Variants in LUC7L3 observed in about 807,000 individuals in gnomAD.
The protein encoded by LUC7L3 is LUC7 like 3 pre-mRNA splicing factor, also known as luc7-like protein 3.
LUC7L3 carries 6 observed loss-of-function variants against 66.8 expected under a neutral mutation model. The ratio of observed to expected loss-of-function variants is 0.09; its 90% CI spans 0.05 to 0.18. The LOEUF (loss-of-function observed/expected upper bound fraction) is 0.18. Ranked by LOEUF, LUC7L3 falls within the 10% of genes least tolerant of loss-of-function variation. LUC7L3 has a pLI of 1.00. For synonymous variants in LUC7L3, 160 were observed against 174.7 expected (o/e 0.92, Z 0.66); for missense variants, 341 against 531.1 (o/e 0.64, Z 3.52).
intron 2 of LUC7L3, among the ~76,000 whole-genome samples, chr17:50,738,802 T>C (rs907922596): frequency 3.3e-5 from 5 of 152,164 alleles, no homozygotes; most frequent in Non-Finnish European, 5.9e-5. Flanking sequence ...CTAAAGGACA[T>C]TCATCTTTAG....
intron 1 of LUC7L3, among the ~76,000 whole-genome samples, chr17:50,721,537 G>C (rs1354630084): frequency 6.6e-6 from 1 of 152,208 alleles, no homozygotes; most frequent in African/African-American, 2.4e-5. Flanking sequence ...CTTAATGACA[G>C]ATTGCACTTC....
At chr17:50,726,170 G>A (rs1969170189) in intron 1 of LUC7L3, among the ~76,000 whole-genome samples, 1 of 151,798 alleles carries the variant, frequency 6.6e-6, no homozygotes, top group South Asian at 2.1e-4. Context: ...TTGTTGTTTT[G>A]CTTTTTGTTG....
chr17:50,741,392 A>G (rs981245683), intron 4 of LUC7L3, 146 bp downstream of exon 4: 4 of 822,866 alleles, frequency 4.9e-6, no homozygotes, highest in Admixed American at 6.5e-5. Flanking sequence ...TTTTTTTTCC[A>G]GTCTTTATTA....
intron 1 of LUC7L3, among the ~76,000 whole-genome samples, chr17:50,728,035 G>A (rs1439096071): frequency 3.3e-5 from 5 of 151,642 alleles, no homozygotes; most frequent in East Asian, 1.9e-4. Context: ...GGAGAATGGC[G>A]TGAACCCGGG....
intron 9 of LUC7L3, chr17:50,749,493 C>T: frequency 1.6e-6 from 1 of 635,298 alleles, no homozygotes; most frequent in Non-Finnish European, 2.2e-6. Flanking sequence ...ATCTTCAGTT[C>T]TCTGAGTGGG....
chr17:50,740,259 T>A (rs777717640), intron 2 of LUC7L3, 47 bp from the exon 3 acceptor site: 7 of 1,369,722 alleles, frequency 5.1e-6, no homozygotes, highest in Admixed American at 2.1e-5. Context: ...CAAGAAAAGG[T>A]TGCTAATAAT....
chr17:50,743,492 C>A (rs1370032412), intron 5 of LUC7L3, among the ~76,000 whole-genome samples: 1 of 152,112 alleles, frequency 6.6e-6, no homozygotes, highest in Admixed American at 6.5e-5. Flanking sequence ...AGGCATGAGC[C>A]ATCGCGTCTG....
intron 6 of LUC7L3, among the ~76,000 whole-genome samples, chr17:50,744,320 A>G (rs748963617): frequency 1.3e-5 from 2 of 152,234 alleles, no homozygotes; most frequent in South Asian, 2.1e-4. Flanking sequence ...AGTTTTGTAT[A>G]TGGACATTAT....
intron 9 of LUC7L3, 129 bp downstream of exon 9, chr17:50,746,831 A>G (rs1362419164): frequency 1.2e-5 from 8 of 665,712 alleles, no homozygotes; most frequent in African/African-American, 1.9e-5. Flanking sequence ...AATGCCATTC[A>G]GTAGGAGACA....
intron 1 of LUC7L3, among the ~76,000 whole-genome samples, chr17:50,733,389 G>A (rs974765668): frequency 7.0e-5 from 10 of 143,122 alleles, no homozygotes; most frequent in Non-Finnish European, 1.2e-4. Flanking sequence ...CTGCCACCAC[G>A]CCTGGCTAGT....
chr17:50,744,861 G>T (rs1412415678), intron 7 of LUC7L3, 48 bp downstream of exon 7: 1 of 1,522,922 alleles, frequency 6.6e-7, no homozygotes, highest in Non-Finnish European at 9.0e-7. Context: ...CTGTCACCTA[G>T]AGTGCAGTGA....
intron 9 of LUC7L3, 52 bp from the exon 10 acceptor site, chr17:50,750,449 C>G (rs1266936633): frequency 2.0e-6 from 3 of 1,523,324 alleles, no homozygotes; most frequent in East Asian, 4.5e-5. Context: ...AAAATCATGT[C>G]TTTATTGTAT....
At chr17:50,742,898 A>C (rs1272521519) in intron 5 of LUC7L3, among the ~76,000 whole-genome samples, 2 of 152,224 alleles carry the variant, frequency 1.3e-5, no homozygotes, top group African/African-American at 4.8e-5. Context: ...GTCAGTAATA[A>C]AAGGGAATTA....
intron 1 of LUC7L3, among the ~76,000 whole-genome samples, chr17:50,733,246 T>G (rs1969741143): frequency 7.2e-6 from 1 of 138,834 alleles, no homozygotes. Flanking sequence ...TAGTAAAACT[T>G]TGTTTTTTTT....
rs942766249 is a variant in LUC7L3 at position 50,755,734 on chromosome 17, T to C, written c.*5073T>C. 2.6e-5 allele frequency: 4 copies of C among 152,172 alleles called. No individual in the cohort carries two copies. The highest frequency in any genetic ancestry group is 5.9e-5 in the Non-Finnish European group (4 of 68,038). The allele number at this position is 152,172 out of a possible 1,614,324, so 9.4% of individuals were successfully genotyped here. The stretch of plus-strand genomic sequence containing the variant: ...CCGGATACATACCCTAGAGAAACTC[T>C]TACACATGCGTACCAGGGGATGGAT... On this transcript the variant is annotated 3_prime_UTR_variant, in exon 10 of 10. Coordinates refer to ENST00000505658, the MANE Select transcript of LUC7L3 (RefSeq NM_016424.5).
chr17:50,732,582 G>A (rs1969685970), intron 1 of LUC7L3, among the ~76,000 whole-genome samples: 1 of 139,258 alleles, frequency 7.2e-6, no homozygotes, highest in East Asian at 2.0e-4. Flanking sequence ...TTTTTTTAGA[G>A]ACAAGGTCTT....
intron 1 of LUC7L3, among the ~76,000 whole-genome samples, chr17:50,720,032 C>T (rs1968632555): frequency 6.6e-6 from 1 of 152,222 alleles, no homozygotes; most frequent in Non-Finnish European, 1.5e-5. Flanking sequence ...GTTCTAGTAT[C>T]AAGGGGGTCC....
In LUC7L3 at chr17:50,736,278, C is replaced by A. The variant is rs564824583; in HGVS notation, c.100-682C>A. Among the ~76,000 whole-genome samples the A allele has an allele frequency of 2.0e-5, 3 of 152,296 alleles. No homozygotes were observed. The South Asian group carries it at 6.2e-4, about 32-fold the overall frequency. On this transcript the variant is annotated intron_variant, in intron 1 of 9. Transcript: ENST00000505658. ...GGGATAGAGCAGTTTTGGAATATATCTGAAGGAGTTACAAAAGTACCAGTG... is the reference window on the plus strand; with the variant it reads ...GGGATAGAGCAGTTTTGGAATATATATGAAGGAGTTACAAAAGTACCAGTG...
At chr17:50,723,925 G>T in intron 1 of LUC7L3, 1 of 454,512 alleles carries the variant, frequency 2.2e-6, no homozygotes, top group Non-Finnish European at 4.4e-6. Flanking sequence ...GTGAGCCACT[G>T]CGCCCGGCTG....
Sources: gnomAD v4.1 joint callset for allele counts (sites outside exome capture counted in the v4.1 genomes callset) on GRCh38, gnomAD v4.1.1 for gene constraint, MANE v1.5 for transcripts, NCBI Gene and HGNC (gene_info 2026-07-23, HGNC 2026-07-21) for gene names.